The following UGT1A9 variants were observed in gnomAD, a reference collection of about 807,000 sequenced individuals.
The protein encoded by UGT1A9 is UDP-glucuronosyltransferase 1A9.
Under a neutral mutation model 45.0 loss-of-function variants are expected in UGT1A9, and 35 were observed. The ratio of observed to expected loss-of-function variants is 0.78; its 90% CI spans 0.59 to 1.03. The LOEUF (loss-of-function observed/expected upper bound fraction) is 1.03, where lower values mean the gene tolerates loss of function less well. Ranked by LOEUF, UGT1A9 falls within the 50% of genes least tolerant of loss-of-function variation. The pLI, the probability that UGT1A9 is intolerant of heterozygous loss-of-function variation, is 0.00. For missense variants in UGT1A9, 687 were observed against 666.6 expected (o/e 1.03, Z -0.34); for synonymous variants, 278 against 250.6 (o/e 1.11, Z -1.03).
rs140860588 is a variant in UGT1A9 at position 233,718,960 on chromosome 2, C to T, written c.855+46171C>T. On this transcript the variant is annotated intron_variant, in intron 1 of 4. Coordinates refer to ENST00000354728, the MANE Select transcript of UGT1A9 (RefSeq NM_021027.3). ...AGCCCCTGGCTCAGCATGCGGGAGG[C>T]CTTGCGGGAGCTCCATGCCAGAGGC... 1.4e-4 allele frequency: 218 copies of T among 1,614,192 alleles called. No homozygotes were observed. The highest frequency in any genetic ancestry group is 1.5e-4 in the Non-Finnish European group (177 of 1,180,018).
At chr2:233,683,772 C>T (rs2074650079) in intron 1 of UGT1A9, among the ~76,000 whole-genome samples, 1 of 152,024 alleles carries the variant, frequency 6.6e-6, no homozygotes, top group Non-Finnish European at 1.5e-5. Flanking sequence ...TAATGTACTG[C>T]TTTGAGTTTT....
At chr2:233,673,890 C>T (rs556955067) in intron 1 of UGT1A9, among the ~76,000 whole-genome samples, 7 of 152,234 alleles carry the variant, frequency 4.6e-5, no homozygotes, top group South Asian at 2.1e-4. Context: ...GATATTTATA[C>T]CACTTATTTT....
At chr2:233,740,004 G>A (rs1691279372) in intron 1 of UGT1A9, among the ~76,000 whole-genome samples, 1 of 151,810 alleles carries the variant, frequency 6.6e-6, no homozygotes, top group African/African-American at 2.4e-5. Context: ...GTCATACTAA[G>A]TGAGTTCTCA....
At chr2:233,724,876 G>A (rs1425686666) in intron 1 of UGT1A9, among the ~76,000 whole-genome samples, 5 of 132,730 alleles carry the variant, frequency 3.8e-5, no homozygotes, top group South Asian at 5.6e-4. Context: ...GTAGTGAGCG[G>A]AGATCACGCC....
intron 1 of UGT1A9, among the ~76,000 whole-genome samples, chr2:233,706,592 C>T (rs2075915253): frequency 6.6e-6 from 1 of 151,948 alleles, no homozygotes; most frequent in African/African-American, 2.4e-5. Flanking sequence ...GGGAGGTGGA[C>T]CTAAGTATGT....
intron 1 of UGT1A9, among the ~76,000 whole-genome samples, chr2:233,737,566 A>G (rs560487651): frequency 6.6e-6 from 1 of 152,226 alleles, no homozygotes; most frequent in South Asian, 2.1e-4. Flanking sequence ...GGATGCACCC[A>G]CTATCCAACC....
rs1413037235 is a variant in UGT1A9, at chr2:233,728,990, C to T, written c.856-38044C>T. 4.6e-6 allele frequency: 7 copies of T among 1,537,926 alleles called. No homozygotes were observed. In the Admixed American group the frequency reaches 1.1e-4, roughly 25 times the overall value. On this transcript the variant is annotated intron_variant, in intron 1 of 4. Coordinates refer to ENST00000354728, the MANE Select transcript of UGT1A9 (RefSeq NM_021027.3). ...TGATAGATTAATGGTTAATAATTAA[C>T]TAGAGGAGGGCACTCTGTCTTCCAA...
rs904896556 is a variant in UGT1A9, at chr2:233,757,560, A to ATATATATG, written c.856-9473_856-9472insATATATGT. On this transcript the variant is annotated intron_variant, in intron 1 of 4. Coordinates refer to ENST00000354728, the MANE Select transcript of UGT1A9 (RefSeq NM_021027.3). ...AATATATATATATATATATATATAT[A>ATATATATG]TGTATATATGATATAGCTATAGTCT... is the stretch of plus-strand genomic sequence containing the variant. 5.4e-4 allele frequency among the ~76,000 whole-genome samples: 66 copies of ATATATATG among 123,154 alleles called. 2 individuals are homozygous for ATATATATG. Among genetic ancestry groups the ATATATATG allele is most frequent in the African/African-American group, 2.2e-3 (65 of 29,360 alleles). The allele number at this position is 123,154 out of a possible 152,430, so 80.8% of individuals were successfully genotyped here. A position where few individuals can be genotyped will look rare whatever the true frequency, so the allele number is the denominator to read the frequency against.
intron 1 of UGT1A9, among the ~76,000 whole-genome samples, chr2:233,748,848 A>G (rs1037972949): frequency 6.6e-6 from 1 of 151,534 alleles, no homozygotes; most frequent in Non-Finnish European, 1.5e-5. Flanking sequence ...CTGTGAGCGT[A>G]TAAGCCCAGT....
At chr2:233,725,198 A>AGAGGCAGAGGCAGAGGCAGAG (rs1377722142) in intron 1 of UGT1A9, among the ~76,000 whole-genome samples, 1 of 86,634 alleles carries the variant, frequency 1.2e-5, no homozygotes, top group Non-Finnish European at 2.0e-5. Context: ...AGGCAGAGGC[A>AGAGGCAGAGGCAGAGGCAGAG]GAGGCAGAGG....
intron 1 of UGT1A9, among the ~76,000 whole-genome samples, chr2:233,757,972 C>G (rs768947894): frequency 2.6e-4 from 40 of 152,096 alleles, no homozygotes; most frequent in Non-Finnish European, 3.4e-4. Context: ...TTTCTCAGCC[C>G]CTAGAGCACC....
intron 1 of UGT1A9, among the ~76,000 whole-genome samples, chr2:233,749,386 AT>A (rs1439732191): frequency 2.6e-5 from 4 of 151,906 alleles, no homozygotes; most frequent in Non-Finnish European, 5.9e-5. Flanking sequence ...CAGTTTTTCA[AT>A]GTGAACATAT....
rs1004676304 is a variant in UGT1A9, at chr2:233,769,752, G to A, written c.1295+1313G>A. On this transcript the variant is annotated intron_variant, in intron 4 of 4. Transcript: ENST00000354728. This position sits in a 1 kb window ranked among gnomAD's most constrained non-coding sequence, Gnocchi z 4.4. ...CGCCTGTAGTCCCAGCCACTCTGGA[G>A]GCTAAGGCGGGAGGATTGCTTGAGC... is the stretch of plus-strand genomic sequence containing the variant. The A allele has an allele frequency of 7.0e-6, 10 of 1,432,670 alleles. No homozygotes were observed. In the African/African-American group the frequency reaches 1.3e-4, roughly 18 times the overall value. 88.7% of individuals were successfully genotyped at this position (1,432,670 alleles called of 1,614,324 possible). A position where few individuals can be genotyped will look rare whatever the true frequency, so the allele number is the denominator to read the frequency against.
intron 1 of UGT1A9, among the ~76,000 whole-genome samples, chr2:233,714,546 C>A (rs184179436): frequency 6.6e-6 from 1 of 152,158 alleles, no homozygotes; most frequent in East Asian, 1.9e-4. Flanking sequence ...ACCGAAGTGT[C>A]CAATAGAAAT....
At chr2:233,761,908 A>G (rs535316155) in intron 1 of UGT1A9, among the ~76,000 whole-genome samples, 1 of 152,320 alleles carries the variant, frequency 6.6e-6, no homozygotes, top group South Asian at 2.1e-4. Flanking sequence ...TTGGCTGAGG[A>G]TCTACTGGCA....
Position 233,747,423 on chromosome 2 carries a change from C to G in UGT1A9, c.856-19611C>G, listed in dbSNP as rs561242685. On this transcript the variant is annotated intron_variant, in intron 1 of 4. Transcript: ENST00000354728. ...CCCAGAGGTGAATATGCACATCAAACAAGAGAAATTTTTCACCCTGACAAC... is the reference window on the plus strand; with the variant it reads ...CCCAGAGGTGAATATGCACATCAAAGAAGAGAAATTTTTCACCCTGACAAC... 6.8e-5 allele frequency: 110 copies of G among 1,608,258 alleles called. 1 individual carries two copies. The highest frequency in any genetic ancestry group is 8.9e-5 in the East Asian group (4 of 44,854).
At chr2:233,754,319 C>A in intron 1 of UGT1A9, 1 of 236,458 alleles carries the variant, frequency 4.2e-6, no homozygotes, top group Non-Finnish European at 8.4e-6. Flanking sequence ...CATTGTCTGC[C>A]TCAGGCTTAA....
intron 1 of UGT1A9, among the ~76,000 whole-genome samples, chr2:233,701,445 A>G (rs2075628639): frequency 6.6e-6 from 1 of 152,168 alleles, no homozygotes; most frequent in Admixed American, 6.5e-5. Flanking sequence ...CGAGACAGAA[A>G]GTTAACAAGG....
intron 1 of UGT1A9, among the ~76,000 whole-genome samples, chr2:233,681,375 AT>A (rs1457082228): frequency 6.6e-6 from 1 of 151,808 alleles, no homozygotes; most frequent in Non-Finnish European, 1.5e-5. Flanking sequence ...CTCCACTAAA[AT>A]ACAAAAAGTT....
Sources: gnomAD v4.1 joint callset for allele counts (sites outside exome capture counted in the v4.1 genomes callset) on GRCh38, gnomAD v4.1.1 for gene constraint, Gnocchi (gnomAD v3.1) non-coding constraint, MANE v1.5 for transcripts, NCBI Gene and HGNC (gene_info 2026-07-23, HGNC 2026-07-21) for gene names.